PAPSS1: variants seen among roughly 807,000 people sequenced by gnomAD.
PAPSS1 encodes 3'-phosphoadenosine 5'-phosphosulfate synthase 1.
A neutral mutation model predicts 72.0 loss-of-function variants in PAPSS1; 50 were observed. That is an observed-to-expected ratio of 0.69 (90% CI 0.55 to 0.88). The LOEUF is 0.88. PAPSS1 is among the 40% of genes least tolerant of loss of function. The pLI, the probability that PAPSS1 is intolerant of heterozygous loss-of-function variation, is 0.00. For missense variants in PAPSS1, 657 were observed against 782.2 expected (o/e 0.84, Z 1.91); for synonymous variants, 261 against 263.6 (o/e 0.99, Z 0.09).
chr4:107,644,720 A>G, intron 10 of PAPSS1, 82 bp downstream of exon 10: 1 of 1,374,242 alleles, frequency 7.3e-7, no homozygotes, highest in Non-Finnish European at 9.8e-7. Flanking sequence ...GAGCACAGAA[A>G]AAGCAATCGG....
At chr4:107,675,423 T>C (rs1727614771) in intron 5 of PAPSS1, among the ~76,000 whole-genome samples, 2 of 152,148 alleles carry the variant, frequency 1.3e-5, no homozygotes, top group South Asian at 2.1e-4. Flanking sequence ...ACAAATAAAC[T>C]AGAAAATCTA....
intron 1 of PAPSS1, among the ~76,000 whole-genome samples, chr4:107,719,187 G>GTTTT (rs9307313): frequency 5.5e-5 from 8 of 146,454 alleles, no homozygotes; most frequent in South Asian, 2.1e-4. Context: ...GAAATTGCTT[G>GTTTT]TTTTTTTTTT....
intron 2 of PAPSS1, 120 bp from the exon 3 acceptor site, chr4:107,694,126 G>A: frequency 3.0e-6 from 2 of 677,288 alleles, no homozygotes. Flanking sequence ...GAGTGCAGAG[G>A]CTGCATAGCT....
chr4:107,692,270 G>A, intron 3 of PAPSS1, among the ~76,000 whole-genome samples: 1 of 151,782 alleles, frequency 6.6e-6, no homozygotes, highest in East Asian at 1.9e-4. Context: ...TACAGAATGG[G>A]ATCAACAAGG....
At chr4:107,704,819 C>G (rs1267242101) in intron 1 of PAPSS1, among the ~76,000 whole-genome samples, 3 of 152,066 alleles carry the variant, frequency 2.0e-5, no homozygotes, top group Non-Finnish European at 4.4e-5. Context: ...GGAATGGTGG[C>G]ATGCACCTGT....
chr4:107,648,549 A>G (rs1477015994), intron 9 of PAPSS1, among the ~76,000 whole-genome samples: 1 of 152,212 alleles, frequency 6.6e-6, no homozygotes, highest in Non-Finnish European at 1.5e-5. Context: ...CACTGAACAT[A>G]GAATTACAAC....
intron 1 of PAPSS1, among the ~76,000 whole-genome samples, chr4:107,703,924 T>C (rs764336421): frequency 1.3e-5 from 2 of 152,248 alleles, no homozygotes; most frequent in Admixed American, 6.5e-5. Context: ...ATTGAATCTG[T>C]AGATCACTTT....
intron 11 of PAPSS1, among the ~76,000 whole-genome samples, chr4:107,620,501 T>C (rs985894614): frequency 2.0e-5 from 3 of 152,248 alleles, no homozygotes; most frequent in African/African-American, 7.2e-5. Flanking sequence ...GCCATTCATT[T>C]GTCATGTTTT....
chr4:107,638,865 C>T (rs1264660184), intron 10 of PAPSS1, among the ~76,000 whole-genome samples: 1 of 152,122 alleles, frequency 6.6e-6, no homozygotes, highest in Non-Finnish European at 1.5e-5. Context: ...GTTATTATTC[C>T]TGTTTTACAA....
intron 1 of PAPSS1, among the ~76,000 whole-genome samples, chr4:107,715,456 T>C (rs1723608104): frequency 6.6e-6 from 1 of 152,210 alleles, no homozygotes; most frequent in Admixed American, 6.5e-5. Flanking sequence ...ACAAGTACAT[T>C]GGCCTCTTGT....
intron 10 of PAPSS1, among the ~76,000 whole-genome samples, chr4:107,635,002 G>T (rs1241376615): frequency 6.6e-6 from 1 of 151,906 alleles, no homozygotes; most frequent in Non-Finnish European, 1.5e-5. Flanking sequence ...GTTTTACCGT[G>T]TTAGCCAGGA....
intron 11 of PAPSS1, among the ~76,000 whole-genome samples, chr4:107,627,147 T>A (rs1397305987): frequency 6.6e-6 from 1 of 152,194 alleles, no homozygotes; most frequent in Non-Finnish European, 1.5e-5. Context: ...CTGCGTGTGA[T>A]TAAACCAACT....
intron 11 of PAPSS1, among the ~76,000 whole-genome samples, chr4:107,615,169 T>G (rs1453653236): frequency 6.6e-6 from 1 of 152,156 alleles, no homozygotes; most frequent in Non-Finnish European, 1.5e-5. Context: ...TTGATAGTTT[T>G]TCTCATCTTC....
intron 5 of PAPSS1, among the ~76,000 whole-genome samples, chr4:107,672,222 GGA>G (rs1727498867): frequency 6.6e-6 from 1 of 152,116 alleles, no homozygotes; most frequent in Non-Finnish European, 1.5e-5. Context: ...AGTGGGTGCA[GGA>G]CAGTGGGTGC....
At chr4:107,620,241 T>C (rs1042338931) in intron 11 of PAPSS1, among the ~76,000 whole-genome samples, 1 of 152,246 alleles carries the variant, frequency 6.6e-6, no homozygotes, top group Admixed American at 6.5e-5. Context: ...TGGTAACTTA[T>C]AAGTGAATCT....
intron 11 of PAPSS1, among the ~76,000 whole-genome samples, chr4:107,614,969 A>ATTT (rs10681522): frequency 0.031 from 4,652 of 150,226 alleles, 233 homozygotes; most frequent in African/African-American, 0.11. Flanking sequence ...CTAAAACTAG[A>ATTT]TTTTTTTTTT....
At chr4:107,692,193 G>A (rs949264270) in intron 3 of PAPSS1, among the ~76,000 whole-genome samples, 1 of 152,084 alleles carries the variant, frequency 6.6e-6, no homozygotes, top group Non-Finnish European at 1.5e-5. Flanking sequence ...CTTGACAAAT[G>A]GGATCTAATT....
chr4:107,653,998 C>T (rs77258588), intron 8 of PAPSS1, among the ~76,000 whole-genome samples: 2,210 of 152,278 alleles, frequency 0.015, 58 homozygotes, highest in African/African-American at 0.05. Context: ...TAATGATCAT[C>T]GAGTTCGATA....
chr4:107,709,178 T>C (rs532904999), intron 1 of PAPSS1, among the ~76,000 whole-genome samples: 1 of 152,308 alleles, frequency 6.6e-6, no homozygotes, highest in African/African-American at 2.4e-5. Context: ...ATATTTTTCA[T>C]ATTAAAAAAT....
Sources: allele counts gnomAD v4.1 joint callset (sites outside exome capture counted in the v4.1 genomes callset), GRCh38; gene constraint gnomAD v4.1.1; transcripts MANE v1.5; gene names NCBI Gene and HGNC (gene_info 2026-07-23, HGNC 2026-07-21).